The following DCC variants were observed in gnomAD, a reference collection of about 807,000 sequenced individuals.
The protein encoded by DCC is netrin receptor DCC.
DCC carries 58 observed loss-of-function variants against 172.5 expected under a neutral mutation model. That is an observed-to-expected ratio of 0.34 (90% CI 0.27 to 0.42). The LOEUF (loss-of-function observed/expected upper bound fraction) is 0.42, where lower values mean the gene tolerates loss of function less well. Among genes scored for constraint, DCC ranks in the 10% least tolerant of loss-of-function variants. The pLI, the probability that DCC is intolerant of heterozygous loss-of-function variation, is 1.00. For missense variants in DCC, 1,740 were observed against 1,791.0 expected (o/e 0.97, Z 0.51); for synonymous variants, 709 against 644.5 (o/e 1.10, Z -1.52).
At chr18:53,003,563 C>A (rs2041598863) in intron 5 of DCC, among the ~76,000 whole-genome samples, 1 of 151,990 alleles carries the variant, frequency 6.6e-6, no homozygotes, top group South Asian at 2.1e-4. Context: ...GAGATGGTCC[C>A]CTTTGTTATT....
chr18:52,489,482 T>C lies in DCC; in HGVS notation c.91+148604T>C, dbSNP rs1164638159. On this transcript the variant is annotated intron_variant, in intron 1 of 28. Transcript: ENST00000442544. ...CAGAGGGAGATAGAAATAAATGTTA[T>C]ATGCTGAGATCTCAAAAACGTGAGA... Among the ~76,000 whole-genome samples the C allele has an allele frequency of 2.6e-5, 4 of 152,126 alleles. 1 individual carries two copies. The South Asian group carries it at 8.3e-4, about 31-fold the overall frequency.
chr18:53,428,432 A>G (rs1175547758), intron 21 of DCC, among the ~76,000 whole-genome samples: 1 of 42,180 alleles, frequency 2.4e-5, no homozygotes, highest in Non-Finnish European at 5.3e-5. Context: ...AATATATTAC[A>G]TATATAATAT....
At chr18:53,345,244 C>A (rs1237381990) in intron 15 of DCC, among the ~76,000 whole-genome samples, 1 of 151,738 alleles carries the variant, frequency 6.6e-6, no homozygotes, top group Non-Finnish European at 1.5e-5. Flanking sequence ...AAAACAGTGG[C>A]CCCTCAACTA....
chr18:53,468,342 T>TTTTTTTTATTTA (rs1555675964), intron 25 of DCC, among the ~76,000 whole-genome samples: 2 of 131,026 alleles, frequency 1.5e-5, no homozygotes, highest in Non-Finnish European at 1.6e-5. Context: ...CATAGTTTAT[T>TTTTTTTTATTTA]TTTATTTATT....
chr18:52,668,509 T>C (rs1478046857), intron 1 of DCC, among the ~76,000 whole-genome samples: 1 of 152,184 alleles, frequency 6.6e-6, no homozygotes, highest in African/African-American at 2.4e-5. Flanking sequence ...TGAAAGTGTC[T>C]GATGTGCTAG....
Position 53,382,568 on chromosome 18 carries a change from T to C in DCC, c.2360-3475T>C, listed in dbSNP as rs1219167255. Among the ~76,000 whole-genome samples, 6 of 152,226 alleles carry C rather than the reference T, an allele frequency of 3.9e-5. 2 individuals are homozygous for C. The Middle Eastern group carries it at 0.017, about 431-fold the overall frequency. On this transcript the variant is annotated intron_variant, in intron 15 of 28. Coordinates refer to ENST00000442544, the MANE Select transcript of DCC (RefSeq NM_005215.4). ...TTCATAAGCTATATCACATACTTTA[T>C]TGTTTAATTTTACATAGTCTTTCAT...
chr18:52,396,683 A>T (rs557745920), intron 1 of DCC, among the ~76,000 whole-genome samples: 1 of 152,088 alleles, frequency 6.6e-6, no homozygotes, highest in Non-Finnish European at 1.5e-5. Flanking sequence ...AAAAGTTTCA[A>T]TAAAATAGAA....
chr18:53,258,883 C>G (rs2056557198), intron 12 of DCC, among the ~76,000 whole-genome samples: 1 of 152,136 alleles, frequency 6.6e-6, no homozygotes, highest in Non-Finnish European at 1.5e-5. Flanking sequence ...CTTTATGAAT[C>G]TGGGTGCTCC....
intron 7 of DCC, among the ~76,000 whole-genome samples, chr18:53,097,723 A>T (rs2043107525): frequency 6.6e-6 from 1 of 152,140 alleles, no homozygotes; most frequent in African/African-American, 2.4e-5. Context: ...ATGCAGGCAA[A>T]TTCATTTACT....
rs376603147 is a variant in DCC, at chr18:53,397,338, G to A, written c.2719G>A (p.Ala907Thr). Residue 907 changes from alanine (A) to threonine (T), a missense_variant, in exon 18 of 29, where the codon GCA becomes ACA. Physicochemically the swap from Ala to Thr is moderately conservative, Grantham distance 58. Coordinates refer to ENST00000442544, the MANE Select transcript of DCC (RefSeq NM_005215.4). ...SEDTTSLSYT[A>T]TGLKPNTMYE... ...AGACACAACATCTCTAAGTTACACA[G>A]CAACAGGCCTCAAACCAAACACAAT... 57 of 1,613,726 alleles carry A rather than the reference G, an allele frequency of 3.5e-5. No homozygotes were observed. Among genetic ancestry groups the A allele is most frequent in the Non-Finnish European group, 4.7e-5 (56 of 1,179,790 alleles).
chr18:53,019,465 C>T (rs1337507847), intron 5 of DCC, among the ~76,000 whole-genome samples: 1 of 152,088 alleles, frequency 6.6e-6, no homozygotes, highest in Non-Finnish European at 1.5e-5. Flanking sequence ...CACTGGTACT[C>T]ATATCCCCAA....
chr18:53,402,398 AAAAAAAT>A (rs1909359631), intron 18 of DCC, among the ~76,000 whole-genome samples: 1 of 62,294 alleles, frequency 1.6e-5, no homozygotes. Context: ...TCAAAAAAAA[AAAAAAAT>A]AAATAAATAA....
intron 1 of DCC, among the ~76,000 whole-genome samples, chr18:52,750,025 T>C (rs1226824575): frequency 1.3e-5 from 2 of 152,206 alleles, no homozygotes; most frequent in East Asian, 3.9e-4. Flanking sequence ...AGCTTGTGTT[T>C]CTTTTCTGGT....
chr18:52,571,951 A>C (rs1290700061), intron 1 of DCC, among the ~76,000 whole-genome samples: 1 of 152,204 alleles, frequency 6.6e-6, no homozygotes, highest in East Asian at 1.9e-4. Context: ...GGTCAATCTA[A>C]TGGCAAAATT....
chr18:52,567,099 G>A (rs910759586), intron 1 of DCC, among the ~76,000 whole-genome samples: 8 of 151,954 alleles, frequency 5.3e-5, no homozygotes, highest in East Asian at 1.9e-4. Flanking sequence ...CCTATGAAGC[G>A]GTGATATCCA....
chr18:53,147,870 A>T (rs1437248826), intron 7 of DCC, among the ~76,000 whole-genome samples: 1 of 152,348 alleles, frequency 6.6e-6, no homozygotes, highest in Non-Finnish European at 1.5e-5. Context: ...TTAGCCATCA[A>T]GTATGATTGG....
chr18:52,824,542 A>G (rs2038471106), intron 2 of DCC, among the ~76,000 whole-genome samples: 1 of 152,194 alleles, frequency 6.6e-6, no homozygotes, highest in African/African-American at 2.4e-5. Context: ...AATTTCAAAA[A>G]AAAATTAGAG....
At chr18:53,255,975 A>AT (rs1346681792) in intron 12 of DCC, among the ~76,000 whole-genome samples, 2 of 152,036 alleles carry the variant, frequency 1.3e-5, no homozygotes, top group East Asian at 3.9e-4. Flanking sequence ...GATGATGAGC[A>AT]TTTTTTCATG....
At chr18:52,437,425 C>T (rs1050311516) in intron 1 of DCC, among the ~76,000 whole-genome samples, 1 of 152,170 alleles carries the variant, frequency 6.6e-6, no homozygotes, top group Non-Finnish European at 1.5e-5. Flanking sequence ...ATGGCCTTTC[C>T]TCTGAACAGC....
Sources: allele counts gnomAD v4.1 joint callset (sites outside exome capture counted in the v4.1 genomes callset), GRCh38; gene constraint gnomAD v4.1.1; transcripts MANE v1.5; gene names NCBI Gene and HGNC (gene_info 2026-07-23, HGNC 2026-07-21).